STAT5B: variants seen among roughly 807,000 people sequenced by gnomAD.
STAT5B encodes the protein transcription factor STAT5B.
A neutral mutation model predicts 107.8 loss-of-function variants in STAT5B; 21 were observed. That is an observed-to-expected ratio of 0.19 (90% CI 0.14 to 0.28). The LOEUF (loss-of-function observed/expected upper bound fraction) is 0.28, where lower values mean the gene tolerates loss of function less well. STAT5B is among the 10% of genes least tolerant of loss of function. STAT5B has a pLI of 1.00. For synonymous variants in STAT5B, 325 were observed against 401.7 expected (o/e 0.81, Z 2.28); for missense variants, 565 against 1,008.2 (o/e 0.56, Z 5.95).
intron 1 of STAT5B, among the ~76,000 whole-genome samples, chr17:42,261,008 C>G (rs895210074): frequency 6.6e-6 from 1 of 151,694 alleles, no homozygotes; most frequent in African/African-American, 2.4e-5. Flanking sequence ...CATCTGCCAC[C>G]TGTGTTCAAA....
intron 1 of STAT5B, among the ~76,000 whole-genome samples, chr17:42,241,750 G>T (rs1404125206): frequency 2.0e-5 from 3 of 152,106 alleles, no homozygotes. Context: ...GCCTAGTATA[G>T]CGATTTTGAG....
intron 5 of STAT5B, among the ~76,000 whole-genome samples, 175 bp from the exon 6 acceptor site, chr17:42,220,017 C>T (rs796485256): frequency 5.9e-5 from 9 of 152,312 alleles, no homozygotes; most frequent in South Asian, 2.1e-4. Context: ...CCCCAGGAGG[C>T]GCCTCTGGGC....
intron 16 of STAT5B, among the ~76,000 whole-genome samples, chr17:42,206,772 T>A (rs887575781): frequency 6.6e-6 from 1 of 151,276 alleles, no homozygotes; most frequent in Non-Finnish European, 1.5e-5. Flanking sequence ...GTGGGGTTTC[T>A]CCACGTTGGT....
At chr17:42,216,230 A>T in intron 11 of STAT5B, 124 bp from the exon 12 acceptor site, 1 of 816,620 alleles carries the variant, frequency 1.2e-6, no homozygotes, top group African/African-American at 1.7e-5. Context: ...TTCCTCTCAG[A>T]CACAGAATCT....
At chr17:42,230,717 G>A (rs1037346253) in intron 2 of STAT5B, among the ~76,000 whole-genome samples, 2 of 151,958 alleles carry the variant, frequency 1.3e-5, no homozygotes, top group Non-Finnish European at 2.9e-5. Flanking sequence ...CTGGAGTGCA[G>A]TAGTGCGATC....
rs781121963 is a variant in STAT5B at position 42,217,252 on chromosome 17, G to A, written c.1288C>T (p.Arg430Cys). 4 of 1,614,142 alleles carry A rather than the reference G, an allele frequency of 2.5e-6. No individual in the cohort carries two copies. Among genetic ancestry groups the A allele is most frequent in the South Asian group, 1.1e-5 (1 of 91,086 alleles). Residue 430 changes from arginine to cysteine, a missense_variant, in exon 11 of 19, where the codon CGT becomes TGT. Physicochemically the swap from Arg to Cys is radical, Grantham distance 180. Transcript: ENST00000293328. ...TCTTCTGTCACCGACTCTGCCCCAC[G>A]ACGGTCTGACCTCTTAATTCGTTTC... ...SLKRIKRSDRRGAESVTEEKF... is the reference protein window; with the variant it reads ...SLKRIKRSDRCGAESVTEEKF...
intron 5 of STAT5B, among the ~76,000 whole-genome samples, chr17:42,220,633 C>T (rs1429733852): frequency 6.6e-6 from 1 of 152,114 alleles, no homozygotes; most frequent in South Asian, 2.1e-4. Context: ...GACAGACAGA[C>T]CGCAGAGGGA....
intron 1 of STAT5B, among the ~76,000 whole-genome samples, chr17:42,240,139 G>A (rs2144322585): frequency 6.6e-6 from 1 of 152,240 alleles, no homozygotes; most frequent in Non-Finnish European, 1.5e-5. Flanking sequence ...GCAAGACTCT[G>A]TCTCAAAAAC....
chr17:42,256,736 C>T (rs767883736), intron 1 of STAT5B, among the ~76,000 whole-genome samples: 52 of 151,688 alleles, frequency 3.4e-4, no homozygotes, highest in Non-Finnish European at 6.6e-4. Flanking sequence ...GTGGCAGATG[C>T]CTGTAGTCCC....
rs539039614 is a variant in STAT5B at position 42,264,080 on chromosome 17, T to C, written c.-11+12168A>G. Among the ~76,000 whole-genome samples, 8 of 152,326 alleles carry C rather than the reference T, an allele frequency of 5.3e-5. 1 individual carries two copies. In the South Asian group the frequency reaches 1.5e-3, roughly 28 times the overall value. ...CATAATTTAAATAGCTGGACAGTAT[T>C]CTATTGGACAGCTATACACAGGTGT... On this transcript the variant is annotated intron_variant, in intron 1 of 18. Transcript: ENST00000293328.
chr17:42,255,813 G>A (rs1262295582), intron 1 of STAT5B, among the ~76,000 whole-genome samples: 1 of 152,300 alleles, frequency 6.6e-6, no homozygotes, highest in South Asian at 2.1e-4. Flanking sequence ...GAAAATGGCC[G>A]GGCACAGCGG....
At chr17:42,232,574 G>C (rs548052645) in intron 1 of STAT5B, among the ~76,000 whole-genome samples, 1 of 152,132 alleles carries the variant, frequency 6.6e-6, no homozygotes, top group Non-Finnish European at 1.5e-5. Flanking sequence ...AGCCCTTTTG[G>C]TAGACTAAAG....
intron 2 of STAT5B, among the ~76,000 whole-genome samples, chr17:42,229,778 C>T (rs953281769): frequency 2.0e-5 from 3 of 150,920 alleles, no homozygotes; most frequent in East Asian, 2.0e-4. Flanking sequence ...AGCTGAGGCA[C>T]GAGAATTGCT....
chr17:42,259,129 T>C (rs1333759596), intron 1 of STAT5B, among the ~76,000 whole-genome samples: 1 of 152,182 alleles, frequency 6.6e-6, no homozygotes, highest in African/African-American at 2.4e-5. Context: ...GATTTGACAG[T>C]TGAGGTATAC....
chr17:42,228,478 C>T (rs546000861), intron 2 of STAT5B, among the ~76,000 whole-genome samples: 13 of 152,126 alleles, frequency 8.5e-5, no homozygotes, highest in Non-Finnish European at 1.9e-4. Context: ...ATTACTTACT[C>T]ACTGAAGAAA....
At chr17:42,221,061 G>A (rs1295693564) in intron 5 of STAT5B, among the ~76,000 whole-genome samples, 1 of 152,092 alleles carries the variant, frequency 6.6e-6, no homozygotes, top group Non-Finnish European at 1.5e-5. Flanking sequence ...GCCCCTGAGG[G>A]CCACGTCACT....
chr17:42,210,368 A>G (rs371550229), intron 14 of STAT5B, 35 bp downstream of exon 14: 1 of 1,613,990 alleles, frequency 6.2e-7, no homozygotes, highest in African/African-American at 1.3e-5. Flanking sequence ...AGACCTTCAG[A>G]CTCTGTCGGC....
chr17:42,269,233 C>T (rs2080701329), intron 1 of STAT5B, among the ~76,000 whole-genome samples: 1 of 152,094 alleles, frequency 6.6e-6, no homozygotes, highest in African/African-American at 2.4e-5. Flanking sequence ...ACCACCACAC[C>T]TGGCTAATTT....
chr17:42,243,157 AATAT>A (rs527843820), intron 1 of STAT5B, among the ~76,000 whole-genome samples: 2 of 151,662 alleles, frequency 1.3e-5, no homozygotes, highest in African/African-American at 4.9e-5. Context: ...AACTTTAAAA[AATAT>A]ATGTGTTTAT....
Sources: allele counts gnomAD v4.1 joint callset (sites outside exome capture counted in the v4.1 genomes callset), GRCh38; gene constraint gnomAD v4.1.1; transcripts MANE v1.5; gene names NCBI Gene and HGNC (gene_info 2026-07-23, HGNC 2026-07-21).